The following TRAPPC9 variants were observed in gnomAD, a reference collection of about 807,000 sequenced individuals.
The protein encoded by TRAPPC9 is trafficking protein particle complex subunit 9.
Under a neutral mutation model 124.0 loss-of-function variants are expected in TRAPPC9, and 83 were observed. The ratio of observed to expected loss-of-function variants is 0.67; its 90% CI spans 0.56 to 0.80. The LOEUF is 0.80. TRAPPC9 is among the 30% of genes least tolerant of loss of function. The pLI is 0.00. For synonymous variants in TRAPPC9, 638 were observed against 617.5 expected, an observed-to-expected ratio of 1.03 and a Z score of -0.49; for missense variants, 1,302 against 1,508.3, an observed-to-expected ratio of 0.86 and a Z score of 2.27.
chr8:140,277,974 T>G (rs1049726818), intron 14 of TRAPPC9, among the ~76,000 whole-genome samples: 6 of 152,256 alleles, frequency 3.9e-5, no homozygotes, highest in African/African-American at 1.4e-4. Flanking sequence ...GCACAGGAAG[T>G]GCAACGGGAG....
chr8:140,389,745 T>G (rs1475861465), intron 7 of TRAPPC9, among the ~76,000 whole-genome samples: 1 of 151,772 alleles, frequency 6.6e-6, no homozygotes, highest in Non-Finnish European at 1.5e-5. Flanking sequence ...TAAGTGTCTG[T>G]AATATGCTCC....
chr8:140,215,001 C>T (rs1425166535), intron 17 of TRAPPC9, among the ~76,000 whole-genome samples: 1 of 152,170 alleles, frequency 6.6e-6, no homozygotes, highest in African/African-American at 2.4e-5. Flanking sequence ...CTGTAACAAG[C>T]TCATGGTGCC....
At chr8:139,911,665 A>C (rs1356822344) in intron 19 of TRAPPC9, among the ~76,000 whole-genome samples, 2 of 151,994 alleles carry the variant, frequency 1.3e-5, no homozygotes, top group East Asian at 3.9e-4. Flanking sequence ...AGATTGTGCC[A>C]CTGCACTCCA....
chr8:139,940,160 C>A (rs977907300), intron 19 of TRAPPC9, among the ~76,000 whole-genome samples: 1 of 152,206 alleles, frequency 6.6e-6, no homozygotes, highest in Admixed American at 6.5e-5. Context: ...GGATCCGCCA[C>A]GGCCTCCACC....
In TRAPPC9 at chr8:139,890,286, G is replaced by A. The variant is rs368111821; in HGVS notation, c.2965-4317C>T. Among the ~76,000 whole-genome samples, 89 of 152,334 alleles carry A rather than the reference G, an allele frequency of 5.8e-4. 1 individual carries two copies. Among genetic ancestry groups the A allele is most frequent in the African/African-American group, 1.8e-3 (75 of 41,590 alleles). On this transcript the variant is annotated intron_variant, in intron 20 of 22. Transcript: ENST00000438773. ...AGGCCCTACGGGCATCTGGCCATTCGTGCTCTCCGTTCCGAGCACCCCATC... is the reference window on the plus strand; with the variant it reads ...AGGCCCTACGGGCATCTGGCCATTCATGCTCTCCGTTCCGAGCACCCCATC...
At chr8:140,229,504 G>A (rs959847767) in intron 16 of TRAPPC9, among the ~76,000 whole-genome samples, 8 of 151,728 alleles carry the variant, frequency 5.3e-5, no homozygotes, top group South Asian at 2.1e-4. Flanking sequence ...GACCGACCTC[G>A]TGATCCACCC....
intron 17 of TRAPPC9, among the ~76,000 whole-genome samples, chr8:140,045,652 A>AC (rs1841548789): frequency 1.7e-5 from 2 of 115,640 alleles, no homozygotes; most frequent in Non-Finnish European, 3.8e-5. Flanking sequence ...AAAAAAAAAA[A>AC]AAAAAAACCA....
At chr8:140,456,744 G>A (rs2071679495) in intron 1 of TRAPPC9, 1 of 964,516 alleles carries the variant, frequency 1.0e-6, no homozygotes, top group African/African-American at 1.8e-5. Context: ...ACACGGGACA[G>A]TCACCAGTTT....
intron 16 of TRAPPC9, among the ~76,000 whole-genome samples, chr8:140,226,034 C>A (rs1295957915): frequency 6.6e-6 from 1 of 152,188 alleles, no homozygotes; most frequent in Non-Finnish European, 1.5e-5. Context: ...TAGAGGAAAG[C>A]AGAGTGAACA....
chr8:140,303,286 T>A (rs528721658), intron 10 of TRAPPC9, among the ~76,000 whole-genome samples: 2 of 152,278 alleles, frequency 1.3e-5, no homozygotes, highest in South Asian at 4.2e-4. Context: ...AAATATTCAA[T>A]GAGTCCCACT....
At chr8:140,148,853 C>T (rs1242756960) in intron 17 of TRAPPC9, among the ~76,000 whole-genome samples, 2 of 152,158 alleles carry the variant, frequency 1.3e-5, no homozygotes, top group Non-Finnish European at 2.9e-5. Context: ...TATTCTCATT[C>T]TTGGGTTCAG....
chr8:139,836,434 G>A (rs1323214120), intron 21 of TRAPPC9, among the ~76,000 whole-genome samples: 1 of 148,118 alleles, frequency 6.8e-6, no homozygotes, highest in East Asian at 2.0e-4. Context: ...CCAGGGGCAA[G>A]TGCATGGGAA....
chr8:139,861,675 T>G (rs974167179), intron 21 of TRAPPC9, among the ~76,000 whole-genome samples: 2 of 152,182 alleles, frequency 1.3e-5, no homozygotes, highest in Admixed American at 6.5e-5. Flanking sequence ...CTTCTGCCCA[T>G]TCTAGGCCAC....
intron 17 of TRAPPC9, among the ~76,000 whole-genome samples, chr8:140,148,565 AC>A (rs2061495190): frequency 6.6e-6 from 1 of 152,026 alleles, no homozygotes; most frequent in Non-Finnish European, 1.5e-5. Context: ...GGCACCAAGA[AC>A]CCCTTTGGCT....
Position 140,353,228 on chromosome 8 carries a change from G to A in TRAPPC9, c.1495+6822C>T, listed in dbSNP as rs547452847. Among the ~76,000 whole-genome samples the A allele has an allele frequency of 1.3e-5, 2 of 152,194 alleles. No individual in the cohort carries two copies. Among genetic ancestry groups the A allele is most frequent in the East Asian group, 3.9e-4 (2 of 5,188 alleles). ...ATCACACTCCCTGCCATCCTAACCT[G>A]GTAAAGTCATTCCAACAGCAGAAAT... is the stretch of plus-strand genomic sequence containing the variant. On this transcript the variant is annotated intron_variant, in intron 9 of 22. Coordinates refer to ENST00000438773, the MANE Select transcript of TRAPPC9 (RefSeq NM_001160372.4). The surrounding 1 kb of genome is among the most constrained non-coding windows in gnomAD (Gnocchi z 4.2).
chr8:140,456,770 G>A, intron 1 of TRAPPC9: 1 of 985,000 alleles, frequency 1.0e-6, no homozygotes, highest in Non-Finnish European at 1.2e-6. Flanking sequence ...GGGGCCGTGA[G>A]GGATGGAAGG....
At chr8:140,265,783 G>T (rs62527498) in intron 15 of TRAPPC9, among the ~76,000 whole-genome samples, 4,177 of 152,230 alleles carry the variant, frequency 0.027, 79 homozygotes, top group African/African-American at 0.055. Flanking sequence ...AATTACTGCC[G>T]CTGTGAACTT....
At chr8:140,414,861 C>G (rs1047691520) in intron 5 of TRAPPC9, among the ~76,000 whole-genome samples, 2 of 152,076 alleles carry the variant, frequency 1.3e-5, no homozygotes, top group African/African-American at 4.8e-5. Flanking sequence ...CCTGCCTCAG[C>G]CTCCCCAGGA....
At chr8:140,195,758 G>T (rs2062640492) in intron 17 of TRAPPC9, among the ~76,000 whole-genome samples, 1 of 151,072 alleles carries the variant, frequency 6.6e-6, no homozygotes, top group African/African-American at 2.4e-5. Context: ...CCACTGTACA[G>T]CTCGCACCTG....
Sources: allele counts gnomAD v4.1 joint callset (sites outside exome capture counted in the v4.1 genomes callset), GRCh38; gene constraint gnomAD v4.1.1; non-coding constraint Gnocchi (gnomAD v3.1); transcripts MANE v1.5; gene names NCBI Gene and HGNC (gene_info 2026-07-23, HGNC 2026-07-21).